The following PHYHIPL variants were observed in gnomAD, a reference collection of about 807,000 sequenced individuals.
The protein encoded by PHYHIPL is phytanoyl-CoA 2-hydroxylase interacting protein like, also known as phytanoyl-CoA hydroxylase-interacting protein-like.
In PHYHIPL, 9 loss-of-function variants were observed where a neutral mutation model predicts 33.4. The observed-to-expected ratio is 0.27, with a 90% CI of 0.16 to 0.47. The LOEUF (loss-of-function observed/expected upper bound fraction) is 0.47, where lower values mean the gene tolerates loss of function less well. Among genes scored for constraint, PHYHIPL ranks in the 20% least tolerant of loss-of-function variants. The pLI, the probability that PHYHIPL is intolerant of heterozygous loss-of-function variation, is 0.99. For synonymous variants in PHYHIPL, 153 were observed against 154.1 expected, an observed-to-expected ratio of 0.99 and a Z score of 0.05; for missense variants, 365 against 460.7, an observed-to-expected ratio of 0.79 and a Z score of 1.90.
intron 1 of PHYHIPL, among the ~76,000 whole-genome samples, chr10:59,188,226 C>A (rs1443820163): frequency 6.6e-6 from 1 of 152,070 alleles, no homozygotes; most frequent in Non-Finnish European, 1.5e-5. Context: ...GTTATGTACC[C>A]GGTAGTCATT....
At chr10:59,209,823 A>C (rs1839395002) in intron 1 of PHYHIPL, among the ~76,000 whole-genome samples, 1 of 152,240 alleles carries the variant, frequency 6.6e-6, no homozygotes, top group Admixed American at 6.5e-5. Flanking sequence ...TGGGGAAAGG[A>C]TTCCCTATTT....
rs751647440 is a variant in PHYHIPL at position 59,245,469 on chromosome 10, C to T, written c.1009C>T (p.Pro337Ser). ...CATTTTAGAAGTCATTTACACTGAC[C>T]CTGTGGATCTTTCTGTGGGCACCGT... ...DVILEVIYTD[P>S]VDLSVGTVAE... The change falls in exon 5 of 5, where the codon CCT (proline) becomes TCT (serine). Residue 337 changes from proline (P) to serine (S), a missense_variant. Pro to Ser is a moderately conservative substitution (Grantham distance 74). Transcript: ENST00000373880. 18 of 1,614,080 alleles carry T rather than the reference C, an allele frequency of 1.1e-5. No individual in the cohort carries two copies. The South Asian group carries it at 2.0e-4, about 18-fold the overall frequency.
At position 59,211,208 on chromosome 10, in the gene PHYHIPL, TA is replaced by T. The variant is rs554267065; in HGVS notation, c.107-23086del. 4.0e-5 allele frequency among the ~76,000 whole-genome samples: 6 copies of T among 149,300 alleles called. No individual in the cohort carries two copies. The East Asian group carries it at 7.8e-4, about 20-fold the overall frequency. ...GGGAACATAGTGAGACCCCCATGTC[TA>T]AAAAAAAAATTATTTTGAATTAGCT... On this transcript the variant is annotated intron_variant, in intron 1 of 4. Transcript: ENST00000373880.
At chr10:59,174,788 G>C (rs1013195541), upstream of PHYHIPL, among the ~76,000 whole-genome samples, 1 of 152,046 alleles carries the variant, frequency 6.6e-6, no homozygotes, top group Non-Finnish European at 1.5e-5. Flanking sequence ...TATAAACCTC[G>C]TGCGTGCTTC....
At chr10:59,210,960 G>T (rs1006619895) in intron 1 of PHYHIPL, among the ~76,000 whole-genome samples, 5 of 152,092 alleles carry the variant, frequency 3.3e-5, no homozygotes, top group South Asian at 2.1e-4. Flanking sequence ...AGCATTAGGA[G>T]AAATTCCTAA....
At chr10:59,236,802 T>A in intron 3 of PHYHIPL, 145 bp downstream of exon 3, 1 of 623,842 alleles carries the variant, frequency 1.6e-6, no homozygotes, top group Non-Finnish European at 2.5e-6. Flanking sequence ...TGTAACAGAA[T>A]AAACAATGTT....
intron 1 of PHYHIPL, among the ~76,000 whole-genome samples, chr10:59,209,265 G>C (rs551600215): frequency 6.6e-6 from 1 of 152,282 alleles, no homozygotes; most frequent in East Asian, 1.9e-4. Context: ...GAGAGTGGAG[G>C]CCAATATTCA....
At chr10:59,206,853 A>G in intron 1 of PHYHIPL, 1 of 1,116,864 alleles carries the variant, frequency 9.0e-7, no homozygotes, top group Non-Finnish European at 1.1e-6. Flanking sequence ...CTGTAAGTGC[A>G]CTTCATCTCC....
intron 1 of PHYHIPL, among the ~76,000 whole-genome samples, chr10:59,216,551 C>T (rs973730098): frequency 3.3e-5 from 5 of 152,052 alleles, no homozygotes; most frequent in African/African-American, 7.2e-5. Context: ...CTTACTTCTG[C>T]TATTTCTTCC....
chr10:59,243,533 C>A (rs944289315), intron 4 of PHYHIPL, among the ~76,000 whole-genome samples: 4 of 152,152 alleles, frequency 2.6e-5, no homozygotes, highest in African/African-American at 9.6e-5. Flanking sequence ...TTAACTGTGA[C>A]AATTTTTTGG....
intron 1 of PHYHIPL, among the ~76,000 whole-genome samples, chr10:59,199,989 A>G (rs1281543313): frequency 2.0e-5 from 3 of 152,186 alleles, no homozygotes; most frequent in Non-Finnish European, 4.4e-5. Flanking sequence ...ATGTACAATC[A>G]TGTCATCTGC....
Position 59,236,562 on chromosome 10 carries a change from C to T in PHYHIPL, c.383C>T (p.Thr128Ile). 6.2e-7 allele frequency: 1 copy of T among 1,611,336 alleles called. No homozygotes were observed. Among genetic ancestry groups the T allele is most frequent in the Non-Finnish European group, 8.5e-7 (1 of 1,178,330 alleles). Residue 128 changes from threonine (T) to isoleucine (I), a missense_variant, in exon 3 of 5, where the codon ACT becomes ATT. Thr to Ile is a moderately conservative substitution (Grantham distance 89, BLOSUM62 -1). Coordinates refer to ENST00000373880, the MANE Select transcript of PHYHIPL (RefSeq NM_032439.4). ...GGACACTGGTTTTTAAGCCCAAGAACTGAATATACAGTAGCAGTGCAGACT... is the reference window on the plus strand; with the variant it reads ...GGACACTGGTTTTTAAGCCCAAGAATTGAATATACAGTAGCAGTGCAGACT... ...VRGHWFLSPR[T>I]EYTVAVQTAS...
At chr10:59,233,318 AC>A (rs1414493797) in intron 1 of PHYHIPL, among the ~76,000 whole-genome samples, 1 of 151,880 alleles carries the variant, frequency 6.6e-6, no homozygotes, top group African/African-American at 2.4e-5. Context: ...GGAAGGTATT[AC>A]CACAAGGTGA....
intron 1 of PHYHIPL, chr10:59,177,648 C>A: frequency 6.4e-7 from 1 of 1,550,586 alleles, no homozygotes; most frequent in Non-Finnish European, 8.7e-7. Context: ...GATATTATAT[C>A]GTTTATTCTG....
chr10:59,194,812 T>C (rs901712533), intron 1 of PHYHIPL, among the ~76,000 whole-genome samples: 1 of 152,214 alleles, frequency 6.6e-6, no homozygotes, highest in Non-Finnish European at 1.5e-5. Flanking sequence ...CATTTTTAAC[T>C]TCACCTATTT....
At chr10:59,229,673 C>CAA (rs11379605) in intron 1 of PHYHIPL, among the ~76,000 whole-genome samples, 19 of 150,512 alleles carry the variant, frequency 1.3e-4, no homozygotes, top group African/African-American at 4.4e-4. Context: ...AATTCATAGA[C>CAA]AAAAAAAATA....
intron 4 of PHYHIPL, among the ~76,000 whole-genome samples, chr10:59,239,249 C>T (rs1234193463): frequency 6.6e-6 from 1 of 152,008 alleles, no homozygotes; most frequent in Non-Finnish European, 1.5e-5. Flanking sequence ...TACAGTTCCA[C>T]ATGGCTGGAG....
At position 59,190,638 on chromosome 10, in the gene PHYHIPL, T is replaced by C. The variant is rs368767732; in HGVS notation, c.106+13679T>C. On this transcript the variant is annotated intron_variant, in intron 1 of 4. Coordinates refer to ENST00000373880, the MANE Select transcript of PHYHIPL (RefSeq NM_032439.4). Reference sequence around the variant, plus strand: ...TATTTGCATTATAAGCTTGGTAATATTGTGACTATATTGTCAAATTGAATT... The same window carrying C: ...TATTTGCATTATAAGCTTGGTAATACTGTGACTATATTGTCAAATTGAATT... Among the ~76,000 whole-genome samples, 106 of 152,086 alleles carry C rather than the reference T, an allele frequency of 7.0e-4. 2 individuals carry two copies. In the East Asian group the frequency reaches 0.015, roughly 21 times the overall value.
intron 1 of PHYHIPL, among the ~76,000 whole-genome samples, chr10:59,213,545 C>A (rs1299622481): frequency 1.3e-5 from 2 of 152,250 alleles, no homozygotes; most frequent in East Asian, 3.9e-4. Context: ...GATCTCAACT[C>A]ATGTCTAGTG....
Sources: gnomAD v4.1 joint callset for allele counts (sites outside exome capture counted in the v4.1 genomes callset) on GRCh38, gnomAD v4.1.1 for gene constraint, MANE v1.5 for transcripts, NCBI Gene and HGNC (gene_info 2026-07-23, HGNC 2026-07-21) for gene names.